Variants in LZIC observed in about 807,000 individuals in gnomAD.
LZIC encodes protein LZIC.
A neutral mutation model predicts 25.4 loss-of-function variants in LZIC; 28 were observed. The ratio of observed to expected loss-of-function variants is 1.10; its 90% CI spans 0.82 to 1.51. The LOEUF (loss-of-function observed/expected upper bound fraction) is 1.51. LZIC is among the 40% of genes most tolerant of loss of function. The probability of loss-of-function intolerance (pLI) is 0.00; values close to 1 mark genes in which losing one functional copy is unlikely to be tolerated. For synonymous variants in LZIC, 65 were observed against 70.7 expected (o/e 0.92, Z 0.40); for missense variants, 170 against 211.1 (o/e 0.81, Z 1.21).
intron 7 of LZIC, among the ~76,000 whole-genome samples, chr1:9,930,781 G>A (rs1640178282): frequency 1.3e-5 from 2 of 151,460 alleles, no homozygotes; most frequent in South Asian, 4.2e-4. Context: ...GTGCAGTGGT[G>A]CGATCTCGGC....
At chr1:9,924,252 A>G (rs1639926862), downstream of LZIC, among the ~76,000 whole-genome samples, 1 of 152,246 alleles carries the variant, frequency 6.6e-6, no homozygotes, top group Non-Finnish European at 1.5e-5. Flanking sequence ...AAACCTCTAC[A>G]GGGATGCCGC....
In LZIC at chr1:9,930,273, C is replaced by T. The variant is rs545063381; in HGVS notation, c.*126G>A. ...ACAAGCCATAAGTATATTTTTATGT[C>T]GCTTTTTCTTAGGTTATTGATGCAT... On this transcript the variant is annotated 3_prime_UTR_variant, in exon 8 of 8. Transcript: ENST00000377223. 50 of 1,538,630 alleles carry T rather than the reference C, an allele frequency of 3.2e-5. No homozygotes were observed. The East Asian group carries it at 6.9e-4, about 21-fold the overall frequency.
At chr1:9,934,683 T>G in intron 5 of LZIC, 79 bp downstream of exon 5, 1 of 1,247,340 alleles carries the variant, frequency 8.0e-7, no homozygotes, top group Non-Finnish European at 1.2e-6. Flanking sequence ...GGCAAATTTT[T>G]AAGCCATAGG....
rs762399079 is a variant in LZIC at position 9,934,760 on chromosome 1, A to G, written c.336+2T>C. On this transcript the variant is annotated splice_donor_variant, in intron 5 of 7. Coordinates refer to ENST00000377223, the MANE Select transcript of LZIC (RefSeq NM_032368.5). LOFTEE classifies it high-confidence loss of function. The stretch of plus-strand genomic sequence containing the variant: ...AACCAAATCAATTTAAAGAAATTTT[A>G]CCTCTGCTAACCTTGTCCGAAGCTG... 2 of 1,611,676 alleles carry G rather than the reference A, an allele frequency of 1.2e-6. No homozygotes were observed. Among genetic ancestry groups the G allele is most frequent in the Admixed American group, 3.3e-5 (2 of 59,946 alleles).
In LZIC at chr1:9,926,747, A is replaced by G. The variant is rs147112301; in HGVS notation, c.*3652T>C. Reference sequence around the variant, plus strand: ...TTCACCAAAATATTAGCCTGACACAAGAATGTTGAAAGGTTAGCTGCCTTA... The same window carrying G: ...TTCACCAAAATATTAGCCTGACACAGGAATGTTGAAAGGTTAGCTGCCTTA... On this transcript the variant is annotated 3_prime_UTR_variant, in exon 8 of 8. Transcript: ENST00000377223. Among the ~76,000 whole-genome samples, 15 of 152,340 alleles carry G rather than the reference A, an allele frequency of 9.8e-5. No individual in the cohort carries two copies. The East Asian group carries it at 2.7e-3, about 27-fold the overall frequency.
At position 9,935,541 on chromosome 1, in the gene LZIC, A is replaced by G. The variant is rs1287366452; in HGVS notation, c.188T>C (p.Ile63Thr). 6.2e-7 allele frequency: 1 copy of G among 1,612,204 alleles called. No homozygotes were observed. Among genetic ancestry groups the G allele is most frequent in the Non-Finnish European group, 8.5e-7 (1 of 1,179,562 alleles). ...LSEFNDSLKK[I>T]MSGNMTLVDE... ...TACCAAAGTCATATTTCCAGACATA[A>G]TTTTCTTTAGTGAATCATTAAATTC... Residue 63 changes from isoleucine (I) to threonine (T), a missense_variant, in exon 4 of 8, where the codon ATT becomes ACT. By Grantham distance (89) the Ile-to-Thr change is moderately conservative. Transcript: ENST00000377223.
At chr1:9,935,428 A>C (rs1433104654) in intron 4 of LZIC, 64 bp downstream of exon 4, 2 of 1,523,998 alleles carry the variant, frequency 1.3e-6, no homozygotes, top group East Asian at 2.3e-5. Context: ...AATGCATCTC[A>C]AACAAAAACA....
At chr1:9,942,230 CTATT>C (rs1640785916) in intron 2 of LZIC, among the ~76,000 whole-genome samples, 1 of 152,114 alleles carries the variant, frequency 6.6e-6, no homozygotes, top group South Asian at 2.1e-4. Context: ...ATCTTATTCT[CTATT>C]TAGCACTTAT....
At position 9,928,390 on chromosome 1, in the gene LZIC, A is replaced by C. The variant is rs1640080932; in HGVS notation, c.*2009T>G. On this transcript the variant is annotated 3_prime_UTR_variant, in exon 8 of 8. Transcript: ENST00000377223. ...CTAGGTGTACACCCAAAAAAATTGAAAACAGGTATTCAAACAAATATTTGT... is the reference window on the plus strand; with the variant it reads ...CTAGGTGTACACCCAAAAAAATTGACAACAGGTATTCAAACAAATATTTGT... Among the ~76,000 whole-genome samples, 1 of 152,230 alleles carries C rather than the reference A, an allele frequency of 6.6e-6. No individual in the cohort carries two copies. The highest frequency in any genetic ancestry group is 2.4e-5 in the African/African-American group (1 of 41,464).
intron 2 of LZIC, among the ~76,000 whole-genome samples, chr1:9,937,318 G>A (rs1241575389): frequency 2.6e-5 from 4 of 151,956 alleles, no homozygotes; most frequent in Admixed American, 1.3e-4. Context: ...GTGTGAACGC[G>A]GGAGGCAGAG....
intron 4 of LZIC, 114 bp from the exon 5 acceptor site, chr1:9,934,974 A>G: frequency 1.3e-6 from 1 of 796,232 alleles, no homozygotes. Flanking sequence ...CTGTCATGGA[A>G]GCAATTACAC....
intron 2 of LZIC, among the ~76,000 whole-genome samples, chr1:9,940,062 T>A (rs1570652402): frequency 6.6e-6 from 1 of 151,852 alleles, no homozygotes. Flanking sequence ...GAGGTTGCAG[T>A]GAGCTGAGAT....
rs372029505 is a variant in LZIC at position 9,943,164 on chromosome 1, C to G, written c.-168+85G>C. The G allele has an allele frequency of 7.4e-3, 1,309 of 176,962 alleles. 8 individuals are homozygous for G. The highest frequency in any genetic ancestry group is 0.012 in the Non-Finnish European group (991 of 80,448). 11.0% of individuals were successfully genotyped at this position (176,962 alleles called of 1,614,324 possible). ...GAACTTGAAGTCCGGCACGTAGGTC[C>G]CGCGGCGGCCGGGCTCCAACAGGCC... is the stretch of plus-strand genomic sequence containing the variant. On this transcript the variant is annotated intron_variant, in intron 1 of 7. Coordinates refer to ENST00000377223, the MANE Select transcript of LZIC (RefSeq NM_032368.5).
At chr1:9,933,955 A>G (rs888909557) in intron 5 of LZIC, among the ~76,000 whole-genome samples, 10 of 152,038 alleles carry the variant, frequency 6.6e-5, no homozygotes, top group South Asian at 2.1e-4. Context: ...GGCTAGGCGC[A>G]GTGGCTCCCA....
Position 9,928,261 on chromosome 1 carries a change from C to T in LZIC, c.*2138G>A, listed in dbSNP as rs867491195. ...CTGGGAGGCAGAAGTTGTGGTGAGC[C>T]GAGATCACGCCATTGCACTCCAGCC... On this transcript the variant is annotated 3_prime_UTR_variant, in exon 8 of 8. Coordinates refer to ENST00000377223, the MANE Select transcript of LZIC (RefSeq NM_032368.5). Among the ~76,000 whole-genome samples the T allele has an allele frequency of 3.3e-5, 5 of 151,896 alleles. No individual in the cohort carries two copies. The highest frequency in any genetic ancestry group is 6.6e-5 in the Admixed American group (1 of 15,244).
chr1:9,931,947 A>G lies in LZIC; in HGVS notation c.458T>C (p.Leu153Ser), dbSNP rs190510945. The G allele has an allele frequency of 6.2e-7, 1 of 1,613,866 alleles. No homozygotes were observed. The highest frequency in any genetic ancestry group is 2.2e-5 in the East Asian group (1 of 44,866). ...EKLTADDEAFLSANAGAILSQ... is the reference protein window; with the variant it reads ...EKLTADDEAFSSANAGAILSQ... ...GAGTATAGCACCTGCATTTGCTGAC[A>G]AGAAGGCCTCATCATCTGCAGTCAG... The change falls in exon 7 of 8, where the codon TTG (leucine) becomes TCG (serine). Residue 153 changes from leucine (L) to serine (S), a missense_variant. Transcript: ENST00000377223.
downstream of LZIC, chr1:9,922,341 T>C (rs1225130964): frequency 4.1e-6 from 4 of 985,124 alleles, no homozygotes; most frequent in Non-Finnish European, 4.8e-6. Flanking sequence ...AGGTAGTTCA[T>C]GTAACTTGGG....
downstream of LZIC, among the ~76,000 whole-genome samples, chr1:9,922,958 C>A (rs1489547038): frequency 5.3e-5 from 8 of 152,178 alleles, no homozygotes; most frequent in Admixed American, 2.6e-4. Flanking sequence ...ACATTCCCAC[C>A]AACTCAATCA....
intron 2 of LZIC, among the ~76,000 whole-genome samples, chr1:9,937,342 G>A (rs1051049564): frequency 1.3e-5 from 2 of 151,446 alleles, no homozygotes; most frequent in Non-Finnish European, 2.9e-5. Flanking sequence ...GCAGTGAGCC[G>A]AGATCACGCC....
Sources: gnomAD v4.1 joint callset for allele counts (sites outside exome capture counted in the v4.1 genomes callset) on GRCh38, gnomAD v4.1.1 for gene constraint, MANE v1.5 for transcripts, NCBI Gene and HGNC (gene_info 2026-07-23, HGNC 2026-07-21) for gene names.